The following CNTNAP2 variants were observed in gnomAD, a reference collection of about 807,000 sequenced individuals.
CNTNAP2 encodes the protein contactin associated protein 2, also known as contactin-associated protein-like 2.
Under a neutral mutation model 155.2 loss-of-function variants are expected in CNTNAP2, and 98 were observed. The observed-to-expected ratio is 0.63, with a 90% confidence interval of 0.54 to 0.75. CNTNAP2 has a LOEUF of 0.75. CNTNAP2 is among the 30% of genes least tolerant of loss of function. The pLI is 0.00. For synonymous variants in CNTNAP2, 651 were observed against 631.2 expected, an observed-to-expected ratio of 1.03 and a Z score of -0.47; for missense variants, 1,727 against 1,688.1, an observed-to-expected ratio of 1.02 and a Z score of -0.40.
chr7:147,296,384 A>C (rs1179637123), intron 8 of CNTNAP2, among the ~76,000 whole-genome samples: 1 of 152,210 alleles, frequency 6.6e-6, no homozygotes, highest in Non-Finnish European at 1.5e-5. Flanking sequence ...CTTGAGATGG[A>C]ACTATTTCAG....
intron 21 of CNTNAP2, among the ~76,000 whole-genome samples, chr7:148,343,757 T>A (rs1261049625): frequency 1.3e-5 from 2 of 152,226 alleles, no homozygotes; most frequent in East Asian, 3.8e-4. Flanking sequence ...CTGGACTAGA[T>A]TACTAAATAG....
At chr7:147,220,093 G>T (rs6947290) in intron 8 of CNTNAP2, among the ~76,000 whole-genome samples, 122,941 of 151,882 alleles carry the variant, frequency 0.81, 50,425 homozygotes, top group African/African-American at 0.95. Flanking sequence ...CCGGCAGGCT[G>T]CATCACTTCT....
At chr7:147,123,924 C>A (rs1007380295) in intron 6 of CNTNAP2, among the ~76,000 whole-genome samples, 1 of 152,144 alleles carries the variant, frequency 6.6e-6, no homozygotes, top group Non-Finnish European at 1.5e-5. Flanking sequence ...CATCTGTAAT[C>A]CCAGCTACTT....
chr7:148,170,831 A>G (rs1296626543), intron 17 of CNTNAP2, among the ~76,000 whole-genome samples: 1 of 152,204 alleles, frequency 6.6e-6, no homozygotes, highest in Non-Finnish European at 1.5e-5. Context: ...ACTTTTCTTA[A>G]GATAATAGAG....
intron 10 of CNTNAP2, among the ~76,000 whole-genome samples, chr7:147,475,474 T>C (rs1798303026): frequency 6.6e-6 from 1 of 152,124 alleles, no homozygotes; most frequent in African/African-American, 2.4e-5. Flanking sequence ...TTTTTTTCTG[T>C]GAACTGCCCT....
chr7:147,665,555 A>C (rs567956919), intron 13 of CNTNAP2, among the ~76,000 whole-genome samples: 20 of 152,224 alleles, frequency 1.3e-4, no homozygotes, highest in Non-Finnish European at 1.6e-4. Context: ...TGTACAGATT[A>C]TTTCATCACC....
At chr7:148,070,345 G>A (rs1391003309) in intron 15 of CNTNAP2, among the ~76,000 whole-genome samples, 1 of 152,190 alleles carries the variant, frequency 6.6e-6, no homozygotes, top group Non-Finnish European at 1.5e-5. Context: ...TAATGAACTT[G>A]CTGTTAAAAA....
chr7:146,954,252 A>G (rs1298643265), intron 3 of CNTNAP2, among the ~76,000 whole-genome samples: 3 of 151,950 alleles, frequency 2.0e-5, no homozygotes, highest in Non-Finnish European at 4.4e-5. Context: ...TTTTTCTAAA[A>G]TTAGAAGGTA....
chr7:148,046,952 A>C (rs1200760566), intron 15 of CNTNAP2, among the ~76,000 whole-genome samples: 1 of 152,146 alleles, frequency 6.6e-6, no homozygotes, highest in Non-Finnish European at 1.5e-5. Flanking sequence ...TAATCATCAG[A>C]TATAAGAGTA....
At position 147,427,099 on chromosome 7, in the gene CNTNAP2, C is replaced by T. The variant is rs559543616; in HGVS notation, c.1670+31319C>T. On this transcript the variant is annotated intron_variant, in intron 10 of 23. Transcript: ENST00000361727. ...TTGCTCTTCTTCCAAGATGGTGCCT[C>T]ATTGCTACATCCTTCAGAGGAGAAG... Among the ~76,000 whole-genome samples the T allele has an allele frequency of 3.7e-3, 557 of 152,224 alleles. 3 individuals carry two copies. Among genetic ancestry groups the T allele is most frequent in the African/African-American group, 0.012 (517 of 41,556 alleles).
chr7:148,125,666 T>C (rs1804702852), intron 16 of CNTNAP2, among the ~76,000 whole-genome samples: 1 of 130,092 alleles, frequency 7.7e-6, no homozygotes, highest in Admixed American at 8.0e-5. Flanking sequence ...TGTGTGTGTG[T>C]GTGTGTGTGT....
chr7:146,743,105 T>G (rs957764008), intron 1 of CNTNAP2, among the ~76,000 whole-genome samples: 1 of 152,174 alleles, frequency 6.6e-6, no homozygotes, highest in African/African-American at 2.4e-5. Flanking sequence ...TTCTGGAATG[T>G]GAAATCCAGT....
At chr7:147,650,437 T>A (rs1186635085) in intron 13 of CNTNAP2, among the ~76,000 whole-genome samples, 1 of 152,112 alleles carries the variant, frequency 6.6e-6, no homozygotes, top group African/African-American at 2.4e-5. Context: ...CTCTACCACC[T>A]CTGAGACAGC....
chr7:148,333,108 G>A (rs1563047031), intron 21 of CNTNAP2, among the ~76,000 whole-genome samples: 1 of 152,070 alleles, frequency 6.6e-6, no homozygotes, highest in African/African-American at 2.4e-5. Context: ...CCATCACAGG[G>A]ATGTTTATAC....
At chr7:148,352,885 A>G (rs1445070110) in intron 21 of CNTNAP2, among the ~76,000 whole-genome samples, 1 of 152,152 alleles carries the variant, frequency 6.6e-6, no homozygotes, top group Admixed American at 6.5e-5. Context: ...CCTCCCTTAG[A>G]ACAAGTTCCC....
chr7:147,465,985 G>A (rs1046926680), intron 10 of CNTNAP2, among the ~76,000 whole-genome samples: 32 of 152,148 alleles, frequency 2.1e-4, no homozygotes, highest in Non-Finnish European at 4.1e-4. Context: ...TACTATAGGA[G>A]CCAAGGGCCC....
At chr7:147,637,187 T>TC in intron 12 of CNTNAP2, among the ~76,000 whole-genome samples, 4 of 152,140 alleles carry the variant, frequency 2.6e-5, no homozygotes, top group African/African-American at 9.7e-5. Flanking sequence ...AGAATCTCAC[T>TC]TATATTTGAA....
chr7:147,128,065 T>C (rs1208446348), intron 6 of CNTNAP2, among the ~76,000 whole-genome samples: 1 of 147,452 alleles, frequency 6.8e-6, no homozygotes, highest in African/African-American at 2.4e-5. Context: ...TTTCTTAAGA[T>C]TTAAAAGACC....
chr7:146,988,123 T>C (rs1798145631), intron 3 of CNTNAP2, among the ~76,000 whole-genome samples: 1 of 152,116 alleles, frequency 6.6e-6, no homozygotes, highest in Non-Finnish European at 1.5e-5. Context: ...TATATTTCCT[T>C]TAGAGTTTAC....
Sources: gnomAD v4.1 joint callset for allele counts (sites outside exome capture counted in the v4.1 genomes callset) on GRCh38, gnomAD v4.1.1 for gene constraint, MANE v1.5 for transcripts, NCBI Gene and HGNC (gene_info 2026-07-23, HGNC 2026-07-21) for gene names.